KCNH5: variants seen among roughly 807,000 people sequenced by gnomAD.
The protein encoded by KCNH5 is voltage-gated delayed rectifier potassium channel KCNH5.
KCNH5 carries 46 observed loss-of-function variants against 96.1 expected under a neutral mutation model. The ratio of observed to expected loss-of-function variants is 0.48; its 90% CI spans 0.38 to 0.61. The LOEUF (loss-of-function observed/expected upper bound fraction) is 0.61. KCNH5 is among the 20% of genes least tolerant of loss of function. The pLI is 0.00. For synonymous variants in KCNH5, 439 were observed against 449.8 expected, an observed-to-expected ratio of 0.98 and a Z score of 0.30; for missense variants, 907 against 1,225.8, an observed-to-expected ratio of 0.74 and a Z score of 3.88.
chr14:62,709,195 A>G (rs1022783699), intron 10 of KCNH5, among the ~76,000 whole-genome samples: 1 of 130,156 alleles, frequency 7.7e-6, no homozygotes, highest in East Asian at 2.6e-4. Context: ...ATCGCGCCAC[A>G]GCACTCCCGC....
chr14:62,831,541 T>C (rs1887349316), intron 8 of KCNH5, among the ~76,000 whole-genome samples: 1 of 152,200 alleles, frequency 6.6e-6, no homozygotes, highest in Admixed American at 6.5e-5. Flanking sequence ...ACTGTCTGTA[T>C]CTCTTGTCTA....
intron 6 of KCNH5, among the ~76,000 whole-genome samples, chr14:62,956,061 G>A (rs1054583431): frequency 2.6e-5 from 4 of 152,058 alleles, no homozygotes; most frequent in East Asian, 1.9e-4. Flanking sequence ...AGGCAGCACT[G>A]AGCATATCGT....
At position 63,001,456 on chromosome 14, in the gene KCNH5, G is replaced by C. The variant is rs1891009921; in HGVS notation, c.308C>G (p.Thr103Ser). The change falls in exon 4 of 11, where the codon ACC (threonine) becomes AGC (serine). Residue 103 changes from threonine (T) to serine (S), a missense_variant. Coordinates refer to ENST00000322893, the MANE Select transcript of KCNH5 (RefSeq NM_139318.5). The stretch of plus-strand genomic sequence containing the variant: ...AATTTGCATATAAAACCAAACAGGG[G>C]TTCCTGTAACAGAAAGAAGTTGGGG... ...FEVLLYKKNRTPVWFYMQIAP... is the reference protein window; with the variant it reads ...FEVLLYKKNRSPVWFYMQIAP... The C allele has an allele frequency of 6.2e-7, 1 of 1,609,378 alleles. No homozygotes were observed. The highest frequency in any genetic ancestry group is 1.3e-5 in the African/African-American group (1 of 74,688).
intron 6 of KCNH5, among the ~76,000 whole-genome samples, chr14:62,976,950 T>C (rs547362971): frequency 6.6e-6 from 1 of 152,126 alleles, no homozygotes; most frequent in Non-Finnish European, 1.5e-5. Flanking sequence ...GAATTAGTGA[T>C]AAGAACATAG....
At chr14:62,977,272 C>T (rs1364722514) in intron 6 of KCNH5, among the ~76,000 whole-genome samples, 1 of 151,946 alleles carries the variant, frequency 6.6e-6, no homozygotes, top group East Asian at 1.9e-4. Flanking sequence ...GAAGTTGAGG[C>T]AGGAGAATCG....
At position 62,950,466 on chromosome 14, in the gene KCNH5, C is replaced by T. The variant is rs771677895; in HGVS notation, c.1036G>A (p.Ala346Thr). The change falls in exon 7 of 11, where the codon GCA (alanine) becomes ACA (threonine). Residue 346 changes from alanine to threonine, a missense_variant. Ala to Thr is a moderately conservative substitution (Grantham distance 58, BLOSUM62 0). Transcript: ENST00000322893. ...CACACCAGGAGCACGAGGACTGCTG[C>T]TCCATATTCTAGGTAATGGTCCAGT... ...RKLDHYLEYG[A>T]AVLVLLVCVF... 3 of 1,613,546 alleles carry T rather than the reference C, an allele frequency of 1.9e-6. No individual in the cohort carries two copies. The highest frequency in any genetic ancestry group is 2.2e-5 in the South Asian group (2 of 91,068).
chr14:62,908,869 A>G (rs1889087064), intron 7 of KCNH5, among the ~76,000 whole-genome samples: 1 of 126,260 alleles, frequency 7.9e-6, no homozygotes, highest in Admixed American at 1.0e-4. Context: ...GACTCCTTCT[A>G]GCAAATCACC....
chr14:62,932,475 T>G (rs371392062), intron 7 of KCNH5, among the ~76,000 whole-genome samples: 1 of 102,486 alleles, frequency 9.8e-6, no homozygotes, highest in Non-Finnish European at 2.1e-5. Flanking sequence ...GAAATGAGAT[T>G]AAAAAAAAAA....
chr14:62,883,288 A>T (rs1170008353), intron 7 of KCNH5, among the ~76,000 whole-genome samples: 1 of 152,230 alleles, frequency 6.6e-6, no homozygotes, highest in Non-Finnish European at 1.5e-5. Context: ...GTATCTAAAA[A>T]ATTTAGCAGT....
chr14:62,903,149 G>C (rs1888961560), intron 7 of KCNH5, among the ~76,000 whole-genome samples: 1 of 152,170 alleles, frequency 6.6e-6, no homozygotes, highest in African/African-American at 2.4e-5. Context: ...GTTGTGTGTA[G>C]GAGTACAATA....
At chr14:62,720,406 C>T (rs1182271878) in intron 10 of KCNH5, among the ~76,000 whole-genome samples, 1 of 36,998 alleles carries the variant, frequency 2.7e-5, no homozygotes, top group Non-Finnish European at 7.1e-5. Flanking sequence ...TTTTTGACCC[C>T]GTCTCTACTA....
intron 7 of KCNH5, among the ~76,000 whole-genome samples, chr14:62,851,082 G>C (rs1887794696): frequency 6.6e-6 from 1 of 152,146 alleles, no homozygotes; most frequent in Non-Finnish European, 1.5e-5. Flanking sequence ...AAGAAGAGCT[G>C]TTCTCCTCTG....
intron 10 of KCNH5, among the ~76,000 whole-genome samples, chr14:62,761,458 A>G (rs1885749298): frequency 1.3e-5 from 2 of 152,140 alleles, no homozygotes; most frequent in African/African-American, 4.8e-5. Flanking sequence ...TTGAGCTTCT[A>G]TATTTTTTCA....
At chr14:62,851,433 A>G (rs1887802215) in intron 7 of KCNH5, among the ~76,000 whole-genome samples, 1 of 151,174 alleles carries the variant, frequency 6.6e-6, no homozygotes, top group African/African-American at 2.4e-5. Context: ...TTCTGGTTAT[A>G]GTATCCTGAG....
At chr14:62,928,128 G>A (rs1309398604) in intron 7 of KCNH5, among the ~76,000 whole-genome samples, 2 of 152,048 alleles carry the variant, frequency 1.3e-5, no homozygotes, top group Non-Finnish European at 2.9e-5. Flanking sequence ...ATTCCAATAG[G>A]AGACCAGTGA....
At chr14:62,817,269 T>C (rs1178850348) in intron 8 of KCNH5, among the ~76,000 whole-genome samples, 7 of 130,944 alleles carry the variant, frequency 5.3e-5, no homozygotes, top group Non-Finnish European at 9.5e-5. Flanking sequence ...ATAATATATA[T>C]ATATACACAC....
At chr14:62,879,132 A>T (rs1566692455) in intron 7 of KCNH5, among the ~76,000 whole-genome samples, 1 of 152,174 alleles carries the variant, frequency 6.6e-6, no homozygotes. Flanking sequence ...ATTAGTAATC[A>T]GTTTAATAGA....
chr14:62,760,435 G>A (rs527239926), intron 10 of KCNH5, among the ~76,000 whole-genome samples: 2 of 152,268 alleles, frequency 1.3e-5, no homozygotes, highest in African/African-American at 4.8e-5. Context: ...GCTATCATTA[G>A]GGGAAATCGG....
At chr14:63,029,338 C>G (rs543495784) in intron 1 of KCNH5, among the ~76,000 whole-genome samples, 1 of 152,268 alleles carries the variant, frequency 6.6e-6, no homozygotes, top group Admixed American at 6.5e-5. Flanking sequence ...TCCAATTAGG[C>G]TACTGGTTGC....
Sources: gnomAD v4.1 joint callset for allele counts (sites outside exome capture counted in the v4.1 genomes callset) on GRCh38, gnomAD v4.1.1 for gene constraint, MANE v1.5 for transcripts, NCBI Gene and HGNC (gene_info 2026-07-23, HGNC 2026-07-21) for gene names.